THRAP3: variants seen among roughly 807,000 people sequenced by gnomAD.
The protein encoded by THRAP3 is thyroid hormone receptor-associated protein 3.
In THRAP3, 16 loss-of-function variants were observed where a neutral mutation model predicts 101.0. That is an observed-to-expected ratio of 0.16 (90% CI 0.11 to 0.24). The LOEUF is 0.24. Ranked by LOEUF, THRAP3 falls within the 10% of genes least tolerant of loss-of-function variation. THRAP3 has a pLI of 1.00. For synonymous variants in THRAP3, 407 were observed against 422.6 expected (o/e 0.96, Z 0.45); for missense variants, 989 against 1,202.7 (o/e 0.82, Z 2.63).
Position 36,246,310 on chromosome 1 carries a change from G to A in THRAP3, c.-134-13072G>A, listed in dbSNP as rs534692069. Among the ~76,000 whole-genome samples, 14 of 152,266 alleles carry A rather than the reference G, an allele frequency of 9.2e-5. No homozygotes were observed. In the South Asian group the frequency reaches 1.0e-3, roughly 11 times the overall value. On this transcript the variant is annotated intron_variant, in intron 1 of 11. Transcript: ENST00000354618. ...AAAAGTGGAGCGATCTTGGCTCACT[G>A]CAACCTCTGCCTCCTGGGTTCAAGC...
At chr1:36,242,588 G>A (rs1645175153) in intron 1 of THRAP3, among the ~76,000 whole-genome samples, 1 of 151,908 alleles carries the variant, frequency 6.6e-6, no homozygotes, top group Non-Finnish European at 1.5e-5. Flanking sequence ...AAGTAGCTGG[G>A]ACTACAGGCG....
chr1:36,276,523 CAA>C (rs35609256), intron 2 of THRAP3, among the ~76,000 whole-genome samples: 54,239 of 113,048 alleles, frequency 0.48, 12,334 homozygotes, highest in Non-Finnish European at 0.57. Flanking sequence ...GACTCTGTCT[CAA>C]AAAAAAAAAA....
chr1:36,224,575 T>C (rs1489156325), intron 1 of THRAP3, 70 bp downstream of exon 1: 4 of 152,678 alleles, frequency 2.6e-5, no homozygotes, highest in Admixed American at 6.6e-5. Flanking sequence ...CTTATCTTTT[T>C]TCCCCAGCTG....
rs1646066329 is a variant in THRAP3 at position 36,304,145 on chromosome 1, AT to A, written c.*130del. Reference sequence around the variant, plus strand: ...CCCCCACCCCCCACCAGCCGCACAGATTGTACTACCGCGAGAGGCATCCCTG... The same window carrying A: ...CCCCCACCCCCCACCAGCCGCACAGATGTACTACCGCGAGAGGCATCCCTG... On this transcript the variant is annotated 3_prime_UTR_variant, in exon 12 of 12. Coordinates refer to ENST00000354618, the MANE Select transcript of THRAP3 (RefSeq NM_005119.4). 11 of 1,370,188 alleles carry A rather than the reference AT, an allele frequency of 8.0e-6. No individual in the cohort carries two copies. Among genetic ancestry groups the A allele is most frequent in the Non-Finnish European group, 9.7e-6 (10 of 1,035,580 alleles). The allele number at this position is 1,370,188 out of a possible 1,614,324, so 84.9% of individuals were successfully genotyped here.
chr1:36,246,579 A>G (rs1253449992), intron 1 of THRAP3, among the ~76,000 whole-genome samples: 1 of 151,982 alleles, frequency 6.6e-6, no homozygotes, highest in Non-Finnish European at 1.5e-5. Context: ...GCGGTGGCTC[A>G]CACCTGTAAT....
In THRAP3 at chr1:36,254,918, T is replaced by C. The variant is rs184304200; in HGVS notation, c.-134-4464T>C. Among the ~76,000 whole-genome samples the C allele has an allele frequency of 4.7e-3, 719 of 152,306 alleles. 7 individuals carry two copies. Among genetic ancestry groups the C allele is most frequent in the African/African-American group, 0.017 (692 of 41,568 alleles). On this transcript the variant is annotated intron_variant, in intron 1 of 11. Coordinates refer to ENST00000354618, the MANE Select transcript of THRAP3 (RefSeq NM_005119.4). ...CAGAAGGCTCTGTATACATGACTTA[T>C]TTGGAAGTGATCTGTTTTCTCTCCA...
At chr1:36,260,825 A>C (rs1468491645) in intron 2 of THRAP3, among the ~76,000 whole-genome samples, 1 of 151,422 alleles carries the variant, frequency 6.6e-6, no homozygotes, top group African/African-American at 2.4e-5. Flanking sequence ...ACGTCTCAAA[A>C]AAAAAAAAAA....
chr1:36,211,995 C>A, the THRAP3 span, among the ~76,000 whole-genome samples: 1 of 152,184 alleles, frequency 6.6e-6, no homozygotes, highest in Non-Finnish European at 1.5e-5. Context: ...CCAACCCCAA[C>A]CAACTCATTT....
intron 9 of THRAP3, among the ~76,000 whole-genome samples, chr1:36,299,147 A>G (rs998765547): frequency 2.0e-5 from 3 of 151,998 alleles, no homozygotes; most frequent in Non-Finnish European, 2.9e-5. Flanking sequence ...ACAGCTAATA[A>G]GAGACAATGC....
chr1:36,216,407 G>A, the THRAP3 span, among the ~76,000 whole-genome samples: 7 of 150,974 alleles, frequency 4.6e-5, no homozygotes, highest in African/African-American at 1.7e-4. Context: ...CCAGCTACTC[G>A]GGAGGCAGAG....
chr1:36,251,803 C>T (rs187903393), intron 1 of THRAP3, among the ~76,000 whole-genome samples: 8 of 152,230 alleles, frequency 5.3e-5, no homozygotes, highest in East Asian at 1.9e-4. Flanking sequence ...TTAATTTATT[C>T]GGTGTTCAAC....
At chr1:36,303,560 G>A (rs1156500625) in intron 11 of THRAP3, among the ~76,000 whole-genome samples, 3 of 152,082 alleles carry the variant, frequency 2.0e-5, no homozygotes, top group African/African-American at 7.2e-5. Context: ...GTCAATCATC[G>A]TTACAATGCC....
chr1:36,248,330 G>T (rs1023391824), intron 1 of THRAP3, among the ~76,000 whole-genome samples: 6 of 151,952 alleles, frequency 3.9e-5, no homozygotes, highest in African/African-American at 1.5e-4. Flanking sequence ...TGTAGAGATG[G>T]GGGTCTTGGT....
At chr1:36,220,998 T>TAC (rs1266651571), upstream of THRAP3, among the ~76,000 whole-genome samples, 10 of 126,820 alleles carry the variant, frequency 7.9e-5, no homozygotes, top group Non-Finnish European at 1.6e-4. Flanking sequence ...TATATATATA[T>TAC]AGTGAGACCT....
chr1:36,232,393 T>C (rs1215593623), intron 1 of THRAP3, among the ~76,000 whole-genome samples: 2 of 152,184 alleles, frequency 1.3e-5, no homozygotes, highest in Admixed American at 1.3e-4. Flanking sequence ...ATCTATTACA[T>C]TGGGAAATGT....
Position 36,285,865 on chromosome 1 carries a change from T to C in THRAP3, c.138-503T>C, listed in dbSNP as rs1158716092. 3.9e-5 allele frequency among the ~76,000 whole-genome samples: 6 copies of C among 152,204 alleles called. No individual in the cohort carries two copies. In the South Asian group the frequency reaches 8.3e-4, roughly 21 times the overall value. On this transcript the variant is annotated intron_variant, in intron 3 of 11. Coordinates refer to ENST00000354618, the MANE Select transcript of THRAP3 (RefSeq NM_005119.4). Reference sequence around the variant, plus strand: ...CAAGCCTTAGTGGTATCTTAAGAAGTTCATCCCGCACAAGGGGGAGAGAGC... The same window carrying C: ...CAAGCCTTAGTGGTATCTTAAGAAGCTCATCCCGCACAAGGGGGAGAGAGC...
chr1:36,263,687 G>T (rs1398152914), intron 2 of THRAP3, among the ~76,000 whole-genome samples: 2 of 152,032 alleles, frequency 1.3e-5, no homozygotes, highest in South Asian at 2.1e-4. Flanking sequence ...TTTTTAAGCC[G>T]CCAGCTGTGC....
At chr1:36,226,890 C>T (rs917495906) in intron 1 of THRAP3, among the ~76,000 whole-genome samples, 1 of 151,806 alleles carries the variant, frequency 6.6e-6, no homozygotes, top group East Asian at 1.9e-4. Context: ...TTGTTGGGGG[C>T]GGGGAACACA....
At chr1:36,258,715 G>A (rs775500048) in intron 1 of THRAP3, among the ~76,000 whole-genome samples, 1 of 152,152 alleles carries the variant, frequency 6.6e-6, no homozygotes, top group Non-Finnish European at 1.5e-5. Flanking sequence ...TCCTGACCTC[G>A]TGATCCGCCC....
Sources: allele counts gnomAD v4.1 joint callset (sites outside exome capture counted in the v4.1 genomes callset), GRCh38; gene constraint gnomAD v4.1.1; transcripts MANE v1.5; gene names NCBI Gene and HGNC (gene_info 2026-07-23, HGNC 2026-07-21).